The following GRM5 variants were observed in gnomAD, a reference collection of about 807,000 sequenced individuals.
The protein encoded by GRM5 is metabotropic glutamate receptor 5.
GRM5 carries 19 observed loss-of-function variants against 83.1 expected under a neutral mutation model. The observed-to-expected ratio is 0.23, with a 90% CI of 0.16 to 0.34. The LOEUF (loss-of-function observed/expected upper bound fraction) is 0.34. GRM5 is among the 10% of genes least tolerant of loss of function. The pLI is 1.00. For synonymous variants in GRM5, 675 were observed against 633.6 expected, an observed-to-expected ratio of 1.07 and a Z score of -0.98; for missense variants, 1,160 against 1,588.3, an observed-to-expected ratio of 0.73 and a Z score of 4.58.
chr11:88,795,121 C>A (rs1943252186), intron 3 of GRM5, among the ~76,000 whole-genome samples: 2 of 151,656 alleles, frequency 1.3e-5, no homozygotes, highest in African/African-American at 4.9e-5. Flanking sequence ...ATTATATGAA[C>A]ATGAGACTAT....
At chr11:89,011,656 A>G (rs1940703126) in intron 2 of GRM5, among the ~76,000 whole-genome samples, 1 of 152,214 alleles carries the variant, frequency 6.6e-6, no homozygotes, top group Non-Finnish European at 1.5e-5. Context: ...GATATACTTG[A>G]TAAGGCATAA....
intron 3 of GRM5, among the ~76,000 whole-genome samples, chr11:88,657,198 A>C (rs115378454): frequency 1.8e-4 from 28 of 152,312 alleles, no homozygotes; most frequent in African/African-American, 6.7e-4. Flanking sequence ...GGCTCACAGC[A>C]ACCTAAGCTT....
chr11:89,034,256 T>C (rs1208052781), intron 2 of GRM5, among the ~76,000 whole-genome samples: 7 of 151,906 alleles, frequency 4.6e-5, no homozygotes, highest in Admixed American at 4.6e-4. Flanking sequence ...GGAACAGTAC[T>C]GATGATCTTC....
intron 3 of GRM5, among the ~76,000 whole-genome samples, chr11:88,722,737 T>G (rs1378187286): frequency 6.6e-6 from 1 of 152,182 alleles, no homozygotes; most frequent in Admixed American, 6.6e-5. Context: ...GTTTTATGTT[T>G]ATAAAGATAA....
chr11:88,967,400 A>G (rs1939021892), intron 2 of GRM5, among the ~76,000 whole-genome samples: 1 of 138,856 alleles, frequency 7.2e-6, no homozygotes, highest in Non-Finnish European at 1.5e-5. Flanking sequence ...CCACGGATAA[A>G]TTATAATGAA....
chr11:88,978,474 TAAAAAAAAAAAAAAAAAAAAAAAA>T (rs200343438), intron 2 of GRM5, among the ~76,000 whole-genome samples: 54,506 of 99,098 alleles, frequency 0.55, 13,621 homozygotes, highest in South Asian at 0.72. Flanking sequence ...CAGATGAGCT[TAAAAAAAAAAAAAAAAAAAAAAAA>T]AAAAAAAAAA....
intron 2 of GRM5, among the ~76,000 whole-genome samples, chr11:88,929,036 CAA>C (rs1268768359): frequency 6.6e-6 from 1 of 151,388 alleles, no homozygotes; most frequent in Non-Finnish European, 1.5e-5. Flanking sequence ...TTTCTCTCAC[CAA>C]AAAAGTGGTC....
At chr11:88,984,638 G>A (rs1939638447) in intron 2 of GRM5, 1 of 441,764 alleles carries the variant, frequency 2.3e-6, no homozygotes, top group African/African-American at 2.0e-5. Flanking sequence ...TATAAAATTA[G>A]AATAAATGAT....
intron 2 of GRM5, among the ~76,000 whole-genome samples, chr11:88,960,062 G>A (rs1039138972): frequency 6.6e-6 from 1 of 152,200 alleles, no homozygotes; most frequent in African/African-American, 2.4e-5. Context: ...CATGTTCTCA[G>A]CGGAGGAAAC....
At chr11:88,774,807 G>A (rs1055605311) in intron 3 of GRM5, among the ~76,000 whole-genome samples, 2 of 152,150 alleles carry the variant, frequency 1.3e-5, no homozygotes, top group Non-Finnish European at 2.9e-5. Context: ...ACTTGATCGT[G>A]GTGGATAAGC....
chr11:88,817,572 TGTAAG>T (rs1344645006), intron 3 of GRM5, among the ~76,000 whole-genome samples: 1 of 152,140 alleles, frequency 6.6e-6, no homozygotes, highest in African/African-American at 2.4e-5. Flanking sequence ...CATCAACTAG[TGTAAG>T]GTATTTTTAT....
intron 2 of GRM5, among the ~76,000 whole-genome samples, chr11:88,977,719 T>A (rs1939386214): frequency 6.6e-6 from 1 of 152,172 alleles, no homozygotes; most frequent in African/African-American, 2.4e-5. Flanking sequence ...ATTCAAGATT[T>A]CATATTTTGT....
At chr11:88,616,356 A>T (rs1938482094) in intron 4 of GRM5, among the ~76,000 whole-genome samples, 1 of 149,346 alleles carries the variant, frequency 6.7e-6, no homozygotes, top group Non-Finnish European at 1.5e-5. Flanking sequence ...GAGGCAAGAG[A>T]GATGGGGGTT....
intron 2 of GRM5, among the ~76,000 whole-genome samples, chr11:88,950,305 T>G (rs1422500898): frequency 1.3e-5 from 2 of 151,900 alleles, no homozygotes; most frequent in East Asian, 3.9e-4. Context: ...AATAGGTAAA[T>G]GAAAATATTT....
chr11:88,544,874 C>A (rs2135137607), intron 8 of GRM5, among the ~76,000 whole-genome samples: 1 of 152,338 alleles, frequency 6.6e-6, no homozygotes, highest in Non-Finnish European at 1.5e-5. Flanking sequence ...ATCACACCTG[C>A]ATCTTGATAG....
intron 2 of GRM5, chr11:89,008,995 T>A (rs763042608): frequency 1.1e-4 from 74 of 660,854 alleles, no homozygotes; most frequent in Non-Finnish European, 1.9e-4. Flanking sequence ...TACAACTAAT[T>A]AGGAGCCTAA....
intron 3 of GRM5, among the ~76,000 whole-genome samples, chr11:88,749,985 A>G (rs747874594): frequency 4.3e-4 from 65 of 152,174 alleles, no homozygotes; most frequent in Non-Finnish European, 7.5e-4. Flanking sequence ...ACAAAAACAC[A>G]CTGAAGTACA....
chr11:88,805,750 C>T (rs1340989032), intron 3 of GRM5, among the ~76,000 whole-genome samples: 1 of 152,120 alleles, frequency 6.6e-6, no homozygotes, highest in African/African-American at 2.4e-5. Context: ...GTGATTAGCA[C>T]ATAATATATA....
chr11:88,589,377 G>A (rs973600229), intron 7 of GRM5, among the ~76,000 whole-genome samples: 9 of 151,920 alleles, frequency 5.9e-5, no homozygotes, highest in Non-Finnish European at 1.0e-4. Flanking sequence ...ATTCAAATGC[G>A]ATCAAAAGGC....
Sources: allele counts gnomAD v4.1 joint callset (sites outside exome capture counted in the v4.1 genomes callset), GRCh38; gene constraint gnomAD v4.1.1; transcripts MANE v1.5; gene names NCBI Gene and HGNC (gene_info 2026-07-23, HGNC 2026-07-21).